CDON: variants seen among roughly 807,000 people sequenced by gnomAD.
CDON encodes the protein cell adhesion associated, oncogene regulated, also known as cell adhesion molecule-related/down-regulated by oncogenes.
A neutral mutation model predicts 120.9 loss-of-function variants in CDON; 73 were observed. The observed-to-expected ratio is 0.60, with a 90% CI of 0.50 to 0.73. The LOEUF (loss-of-function observed/expected upper bound fraction) is 0.73, where lower values mean the gene tolerates loss of function less well. Among genes scored for constraint, CDON ranks in the 30% least tolerant of loss-of-function variants. The pLI, the probability that CDON is intolerant of heterozygous loss-of-function variation, is 0.00. For synonymous variants in CDON, 566 were observed against 573.5 expected (o/e 0.99, Z 0.19); for missense variants, 1,470 against 1,587.3 (o/e 0.93, Z 1.26).
chr11:125,996,164 A>G (rs1348477748), intron 12 of CDON, among the ~76,000 whole-genome samples: 50 of 1,420 alleles, frequency 0.035, no homozygotes, highest in African/African-American at 0.16. Context: ...ACAGCAAAAC[A>G]CACACACACA....
chr11:126,021,162 C>G, intron 3 of CDON, 86 bp downstream of exon 3: 1 of 1,411,026 alleles, frequency 7.1e-7, no homozygotes, highest in Non-Finnish European at 9.8e-7. Flanking sequence ...ACACCAAAGC[C>G]CATGGTCTTT....
chr11:126,050,168 T>C (rs1014751433), intron 1 of CDON, among the ~76,000 whole-genome samples: 3 of 151,154 alleles, frequency 2.0e-5, no homozygotes, highest in African/African-American at 7.3e-5. Context: ...ATTAGGTCAA[T>C]AGTATCTAGA....
rs970766236 is a variant in CDON at position 125,957,113 on chromosome 11, G to C, written c.*3829C>G. The C allele has an allele frequency of 6.5e-6, 1 of 153,008 alleles. No homozygotes were observed. The highest frequency in any genetic ancestry group is 2.1e-4 in the South Asian group (1 of 4,832). 9.5% of individuals were successfully genotyped at this position (153,008 alleles called of 1,614,324 possible). On this transcript the variant is annotated 3_prime_UTR_variant, in exon 20 of 20. Transcript: ENST00000531738. ...GGTAAAAATAGACAATGTGTGAGGC[G>C]GGACCGCTCCTCCTCATCCTCCCAA...
At chr11:125,981,965 A>ATTTCCTTTTTTTTT (rs1946318366) in intron 16 of CDON, among the ~76,000 whole-genome samples, 2 of 34,434 alleles carry the variant, frequency 5.8e-5, no homozygotes, top group African/African-American at 1.6e-4. Context: ...AAGTGATTCT[A>ATTTCCTTTTTTTTT]TTTTCTTTTT....
At chr11:125,965,498 A>T (rs918321732) in intron 18 of CDON, among the ~76,000 whole-genome samples, 4 of 152,156 alleles carry the variant, frequency 2.6e-5, no homozygotes, top group Non-Finnish European at 5.9e-5. Flanking sequence ...TGTCAAGAAG[A>T]AAGAGACAGA....
At chr11:126,017,824 T>G (rs1481090008) in intron 5 of CDON, among the ~76,000 whole-genome samples, 1 of 152,144 alleles carries the variant, frequency 6.6e-6, no homozygotes, top group Non-Finnish European at 1.5e-5. Flanking sequence ...GTATTCACTC[T>G]GTCACCTTGG....
Position 125,994,378 on chromosome 11 carries a change from T to C in CDON, c.2556A>G (p.Ser852=). 6.5e-7 allele frequency: 1 copy of C among 1,539,778 alleles called. No homozygotes were observed. The part of the protein sequence containing the change: ...QIMLKWTYIP[S]SNNNTPIQGF... ...CTTGAATGGGAGTGTTATTGTTACT[T>C]GATGGAATGTACTAAAAAACAGAAG... Residue 852 remains serine (S), a synonymous_variant, in exon 14 of 20, where the codon TCA becomes TCG. Transcript: ENST00000531738.
At chr11:126,052,216 C>T (rs1044086796) in intron 1 of CDON, among the ~76,000 whole-genome samples, 3 of 152,096 alleles carry the variant, frequency 2.0e-5, no homozygotes, top group African/African-American at 7.2e-5. Flanking sequence ...AAGAGAGGAA[C>T]CCAACCAAAA....
intron 1 of CDON, among the ~76,000 whole-genome samples, chr11:126,048,984 T>TGA (rs925114078): frequency 3.0e-5 from 3 of 101,226 alleles, no homozygotes; most frequent in African/African-American, 1.4e-4. Context: ...ATTACAGGCG[T>TGA]GAGCCAACAG....
At chr11:125,986,914 T>C (rs887281072) in intron 15 of CDON, among the ~76,000 whole-genome samples, 9 of 152,060 alleles carry the variant, frequency 5.9e-5, no homozygotes, top group African/African-American at 2.2e-4. Flanking sequence ...TTTTCTCTTA[T>C]TGAAAGCTGG....
At chr11:126,042,084 A>G (rs2134841803) in intron 1 of CDON, among the ~76,000 whole-genome samples, 1 of 152,242 alleles carries the variant, frequency 6.6e-6, no homozygotes, top group African/African-American at 2.4e-5. Context: ...GTGTTTCTCC[A>G]TGTTGGTCAG....
At chr11:125,996,726 C>T (rs1297372967) in intron 12 of CDON, among the ~76,000 whole-genome samples, 2 of 129,628 alleles carry the variant, frequency 1.5e-5, no homozygotes, top group African/African-American at 5.6e-5. Context: ...AAAAAAAAGG[C>T]TAAGAAAAAA....
At chr11:126,036,893 G>A (rs1948112636) in intron 1 of CDON, among the ~76,000 whole-genome samples, 1 of 152,124 alleles carries the variant, frequency 6.6e-6, no homozygotes. Context: ...CTCACATGTT[G>A]CCCAAGCTGG....
At chr11:126,019,110 A>AT (rs1238160120) in intron 4 of CDON, among the ~76,000 whole-genome samples, 3 of 151,796 alleles carry the variant, frequency 2.0e-5, no homozygotes, top group Admixed American at 6.6e-5. Context: ...CTAGTCATTC[A>AT]TTTTTTTTCC....
intron 14 of CDON, among the ~76,000 whole-genome samples, chr11:125,993,394 T>TGCGCGC (rs1565510945): frequency 1.3e-3 from 50 of 39,182 alleles, no homozygotes; most frequent in African/African-American, 6.0e-3. Flanking sequence ...CGCGCGTGCG[T>TGCGCGC]GCACACACAC....
At position 125,959,629 on chromosome 11, in the gene CDON, A is replaced by T. The variant is rs1038067668; in HGVS notation, c.*1313T>A. The T allele has an allele frequency of 2.0e-5, 3 of 152,122 alleles. No homozygotes were observed. The highest frequency in any genetic ancestry group is 2.0e-4 in the Admixed American group (3 of 15,264). 9.4% of individuals were successfully genotyped at this position (152,122 alleles called of 1,614,324 possible). A position where few individuals can be genotyped will look rare whatever the true frequency, so the allele number is the denominator to read the frequency against. On this transcript the variant is annotated 3_prime_UTR_variant, in exon 20 of 20. Transcript: ENST00000531738. Reference sequence around the variant, plus strand: ...AACAAAAAAAAACAAAAAACAAACAAACAAAAAAAAACCCTTTTCTTCCAA... The same window carrying T: ...AACAAAAAAAAACAAAAAACAAACATACAAAAAAAAACCCTTTTCTTCCAA...
Position 126,015,398 on chromosome 11 carries a change from G to A in CDON, c.1041C>T (p.His347=), listed in dbSNP as rs201963480. 2.4e-4 allele frequency: 393 copies of A among 1,614,050 alleles called. 1 individual carries two copies. Among genetic ancestry groups the A allele is most frequent in the Middle Eastern group, 2.1e-3 (13 of 6,084 alleles). The change falls in exon 7 of 20, where the codon CAC becomes CAT. Residue 347 remains histidine (H), a synonymous_variant. Transcript: ENST00000531738. ...CAGAAGGATGAATAGGCTGTGCATT[G>A]TGAAACCAGGTACAGTTGGGGGCTG... The part of the protein sequence containing the change: ...GNPAPNCTWF[H]NAQPIHPSAR...
At chr11:125,963,257 A>G (rs570674923) in intron 18 of CDON, among the ~76,000 whole-genome samples, 6 of 152,150 alleles carry the variant, frequency 3.9e-5, no homozygotes, top group Non-Finnish European at 8.8e-5. Context: ...TCTGTTGATG[A>G]TCAAGCTATT....
At chr11:126,058,911 G>A (rs1430132075) in intron 1 of CDON, among the ~76,000 whole-genome samples, 1 of 152,128 alleles carries the variant, frequency 6.6e-6, no homozygotes, top group Non-Finnish European at 1.5e-5. Context: ...TTTACTTGGC[G>A]CTGCTAGCAA....
Sources: gnomAD v4.1 joint callset for allele counts (sites outside exome capture counted in the v4.1 genomes callset) on GRCh38, gnomAD v4.1.1 for gene constraint, MANE v1.5 for transcripts, NCBI Gene and HGNC (gene_info 2026-07-23, HGNC 2026-07-21) for gene names.